PPP2R3A: variants seen among roughly 807,000 people sequenced by gnomAD.
PPP2R3A encodes the protein serine/threonine-protein phosphatase 2A regulatory subunit B'' subunit alpha.
PPP2R3A carries 80 observed loss-of-function variants against 106.9 expected under a neutral mutation model. That is an observed-to-expected ratio of 0.75 (90% CI 0.62 to 0.90). PPP2R3A has a LOEUF of 0.90. PPP2R3A is among the 40% of genes least tolerant of loss of function. The probability of loss-of-function intolerance (pLI) is 0.00; values close to 1 mark genes in which losing one functional copy is unlikely to be tolerated. For synonymous variants in PPP2R3A, 483 were observed against 468.3 expected (o/e 1.03, Z -0.41); for missense variants, 1,386 against 1,350.4 (o/e 1.03, Z -0.41).
chr3:136,049,593 A>C (rs1194047039), intron 5 of PPP2R3A, among the ~76,000 whole-genome samples: 3 of 151,950 alleles, frequency 2.0e-5, no homozygotes, highest in Non-Finnish European at 4.4e-5. Context: ...TAAAAGAGCT[A>C]CTCCTTCAGG....
chr3:136,093,774 G>A (rs1451057703), intron 10 of PPP2R3A, among the ~76,000 whole-genome samples: 1 of 152,142 alleles, frequency 6.6e-6, no homozygotes, highest in African/African-American at 2.4e-5. Flanking sequence ...TGGAAAAATC[G>A]GAACCCTCAT....
At chr3:136,024,503 A>G (rs964898535) in intron 2 of PPP2R3A, among the ~76,000 whole-genome samples, 1 of 152,200 alleles carries the variant, frequency 6.6e-6, no homozygotes, top group Non-Finnish European at 1.5e-5. Flanking sequence ...TAAGAAAAGC[A>G]GAACAGAATA....
chr3:135,966,605 GTTA>G (rs950887294), intron 1 of PPP2R3A, among the ~76,000 whole-genome samples: 1 of 152,084 alleles, frequency 6.6e-6, no homozygotes, highest in Non-Finnish European at 1.5e-5. Context: ...TTGTGCTCCC[GTTA>G]TTCCCAGTCC....
intron 1 of PPP2R3A, among the ~76,000 whole-genome samples, chr3:135,991,488 C>T (rs981619734): frequency 2.1e-5 from 3 of 145,370 alleles, no homozygotes; most frequent in Non-Finnish European, 4.4e-5. Context: ...AAAGTTTAAC[C>T]CCAAATATTC....
chr3:136,037,053 G>C (rs1186830359), intron 3 of PPP2R3A, among the ~76,000 whole-genome samples: 2 of 152,232 alleles, frequency 1.3e-5, no homozygotes, highest in Non-Finnish European at 2.9e-5. Context: ...GTTTGTTAGA[G>C]CAATAAATGA....
At chr3:136,124,102 A>C (rs1387513482) in intron 13 of PPP2R3A, among the ~76,000 whole-genome samples, 1 of 152,228 alleles carries the variant, frequency 6.6e-6, no homozygotes, top group African/African-American at 2.4e-5. Flanking sequence ...AATATTTGGA[A>C]ATTAAATGAC....
At chr3:136,047,379 C>G (rs1935507281) in intron 4 of PPP2R3A, among the ~76,000 whole-genome samples, 1 of 152,158 alleles carries the variant, frequency 6.6e-6, no homozygotes, top group South Asian at 2.1e-4. Context: ...ATTGCAAAGA[C>G]ATGGAATCAA....
intron 2 of PPP2R3A, among the ~76,000 whole-genome samples, chr3:136,011,175 T>G (rs182248214): frequency 1.2e-3 from 177 of 152,258 alleles, no homozygotes; most frequent in Middle Eastern, 6.8e-3. Flanking sequence ...CCCTAAAAAT[T>G]TCATGCACAC....
chr3:136,023,045 C>T (rs9836600), intron 2 of PPP2R3A: 55,160 of 1,611,870 alleles, frequency 0.034, 1,150 homozygotes, highest in South Asian at 0.052. Flanking sequence ...TGGACAGTTG[C>T]GAAGTAAACA....
At chr3:136,041,982 C>G (rs1468524385) in intron 4 of PPP2R3A, among the ~76,000 whole-genome samples, 1 of 152,124 alleles carries the variant, frequency 6.6e-6, no homozygotes, top group Non-Finnish European at 1.5e-5. Context: ...TATGCATGTT[C>G]TTCTCGCCTT....
rs150681650 is a variant in PPP2R3A, at chr3:136,143,480, G to C, written c.3330-1563G>C. 8.0e-3 allele frequency among the ~76,000 whole-genome samples: 1,210 copies of C among 151,868 alleles called. 6 individuals carry two copies. The highest frequency in any genetic ancestry group is 0.013 in the Non-Finnish European group (910 of 67,916). ...CACTCCAGCCTGGGCAACAGAGCAA[G>C]ACTCCATCTCAAAAACAAAAAGATG... On this transcript the variant is annotated intron_variant, in intron 13 of 13. Coordinates refer to ENST00000264977, the MANE Select transcript of PPP2R3A (RefSeq NM_002718.5).
At chr3:136,130,032 C>T (rs1362704717) in intron 13 of PPP2R3A, among the ~76,000 whole-genome samples, 2 of 152,058 alleles carry the variant, frequency 1.3e-5, no homozygotes, top group Non-Finnish European at 2.9e-5. Flanking sequence ...AATAAGAGCT[C>T]TTTATGACAG....
rs1939198156 is a variant in PPP2R3A at position 136,147,782 on chromosome 3, A to G, written c.*2616A>G. 1 of 152,218 alleles carries G rather than the reference A, an allele frequency of 6.6e-6. No individual in the cohort carries two copies. Among genetic ancestry groups the G allele is most frequent in the South Asian group, 2.1e-4 (1 of 4,832 alleles). The allele number at this position is 152,218 out of a possible 1,614,324, so 9.4% of individuals were successfully genotyped here. On this transcript the variant is annotated 3_prime_UTR_variant, in exon 14 of 14. Transcript: ENST00000264977. The stretch of plus-strand genomic sequence containing the variant: ...ATTCAAAGTGTTTATAAAACTCTAG[A>G]TTCATCAAATGAGATTTGCTCAGCT...
At chr3:136,111,301 A>T (rs1439508510) in intron 13 of PPP2R3A, among the ~76,000 whole-genome samples, 1 of 152,166 alleles carries the variant, frequency 6.6e-6, no homozygotes, top group East Asian at 1.9e-4. Context: ...ATAAAGTTGT[A>T]TTTCTCCAAC....
rs75533668 is a variant in PPP2R3A at position 136,098,911 on chromosome 3, G to C, written c.2928-3096G>C. Among the ~76,000 whole-genome samples the C allele has an allele frequency of 7.4e-3, 1,132 of 152,280 alleles. 22 individuals are homozygous for C. Among genetic ancestry groups the C allele is most frequent in the African/African-American group, 0.025 (1,024 of 41,562 alleles). ...TCTTCAGGTCATGTCCTCTACCCTA[G>C]CATAAAACTGGTGCTTTATTCCCTG... On this transcript the variant is annotated intron_variant, in intron 10 of 13. Coordinates refer to ENST00000264977, the MANE Select transcript of PPP2R3A (RefSeq NM_002718.5).
intron 7 of PPP2R3A, among the ~76,000 whole-genome samples, chr3:136,080,869 A>G (rs1025094884): frequency 6.6e-6 from 1 of 152,148 alleles, no homozygotes; most frequent in African/African-American, 2.4e-5. Flanking sequence ...ATAATAATTT[A>G]TGTTGTTGTT....
chr3:136,045,547 G>C (rs929441522), intron 4 of PPP2R3A, among the ~76,000 whole-genome samples: 2 of 152,224 alleles, frequency 1.3e-5, no homozygotes, highest in African/African-American at 4.8e-5. Flanking sequence ...CAGAAGTCTT[G>C]TGACAAACTA....
At chr3:136,134,038 T>C (rs897134561) in intron 13 of PPP2R3A, among the ~76,000 whole-genome samples, 10 of 152,192 alleles carry the variant, frequency 6.6e-5, no homozygotes, top group African/African-American at 2.4e-4. Context: ...CAGCAATTTT[T>C]AAAACATAAG....
intron 10 of PPP2R3A, among the ~76,000 whole-genome samples, chr3:136,092,949 T>G (rs1937129007): frequency 6.6e-6 from 1 of 152,104 alleles, no homozygotes; most frequent in African/African-American, 2.4e-5. Flanking sequence ...ACTACAAAAA[T>G]TAAGTCAAAT....
Sources: allele counts gnomAD v4.1 joint callset (sites outside exome capture counted in the v4.1 genomes callset), GRCh38; gene constraint gnomAD v4.1.1; transcripts MANE v1.5; gene names NCBI Gene and HGNC (gene_info 2026-07-23, HGNC 2026-07-21).